The following GRIN2B variants were observed in gnomAD, a reference collection of about 807,000 sequenced individuals.
GRIN2B encodes the protein glutamate ionotropic receptor NMDA type subunit 2B, also known as glutamate receptor ionotropic, NMDA 2B.
In GRIN2B, 5 loss-of-function variants were observed where a neutral mutation model predicts 114.5. The observed-to-expected ratio is 0.04, with a 90% CI of 0.02 to 0.09. GRIN2B has a LOEUF of 0.09. Among genes scored for constraint, GRIN2B ranks in the 10% least tolerant of loss-of-function variants. GRIN2B has a pLI of 1.00. For synonymous variants in GRIN2B, 787 were observed against 745.1 expected (o/e 1.06, Z -0.92); for missense variants, 1,108 against 1,943.5 (o/e 0.57, Z 8.08).
intron 2 of GRIN2B, among the ~76,000 whole-genome samples, chr12:13,901,306 T>C (rs1176797053): frequency 6.6e-6 from 1 of 152,180 alleles, no homozygotes; most frequent in Non-Finnish European, 1.5e-5. Context: ...ATTTGTCCAC[T>C]TTACCACTGA....
At chr12:13,720,064 A>C (rs973534738) in intron 4 of GRIN2B, among the ~76,000 whole-genome samples, 3 of 152,066 alleles carry the variant, frequency 2.0e-5, no homozygotes, top group East Asian at 1.9e-4. Context: ...GGAGCATGAT[A>C]GAAACAAAAC....
intron 4 of GRIN2B, among the ~76,000 whole-genome samples, chr12:13,747,596 T>C (rs1192448136): frequency 1.3e-5 from 2 of 152,264 alleles, no homozygotes; most frequent in African/African-American, 4.8e-5. Flanking sequence ...TTTGTGCATA[T>C]ACATAAAAAT....
chr12:13,760,021 A>G (rs1863649431), intron 3 of GRIN2B, among the ~76,000 whole-genome samples: 1 of 152,148 alleles, frequency 6.6e-6, no homozygotes, highest in African/African-American at 2.4e-5. Context: ...TCTTTGCTAA[A>G]ATCTTGCCTT....
At chr12:13,782,424 T>G (rs1864133951) in intron 3 of GRIN2B, among the ~76,000 whole-genome samples, 1 of 152,206 alleles carries the variant, frequency 6.6e-6, no homozygotes, top group Non-Finnish European at 1.5e-5. Context: ...TCCTCTTTAA[T>G]ATCCAGATGA....
intron 11 of GRIN2B, 82 bp downstream of exon 11, chr12:13,571,722 T>C: frequency 7.5e-7 from 1 of 1,337,518 alleles, no homozygotes; most frequent in Admixed American, 1.7e-5. Context: ...AAGCATGGTA[T>C]ACCTAGTGCA....
At chr12:13,805,881 C>T (rs1467716951) in intron 3 of GRIN2B, among the ~76,000 whole-genome samples, 1 of 152,076 alleles carries the variant, frequency 6.6e-6, no homozygotes, top group Admixed American at 6.6e-5. Context: ...GATCAACATA[C>T]CCCAATTCCT....
At chr12:13,962,085 T>TACAC (rs754107657) in intron 2 of GRIN2B, among the ~76,000 whole-genome samples, 73 of 60,430 alleles carry the variant, frequency 1.2e-3, no homozygotes, top group Middle Eastern at 6.8e-3. Context: ...GTCTCTCTCA[T>TACAC]ACATACACAC....
chr12:13,941,886 G>A (rs971648416), intron 2 of GRIN2B, among the ~76,000 whole-genome samples: 7 of 152,200 alleles, frequency 4.6e-5, no homozygotes, highest in Non-Finnish European at 7.4e-5. Flanking sequence ...GCTGGCTCCC[G>A]CAGCGCAGTG....
At chr12:13,579,792 T>A (rs1000426166) in intron 10 of GRIN2B, among the ~76,000 whole-genome samples, 4 of 151,948 alleles carry the variant, frequency 2.6e-5, no homozygotes, top group Non-Finnish European at 5.9e-5. Flanking sequence ...AGACGCATTG[T>A]CAGATATTTC....
chr12:13,788,395 G>C (rs1250732292), intron 3 of GRIN2B, among the ~76,000 whole-genome samples: 1 of 152,084 alleles, frequency 6.6e-6, no homozygotes, highest in Non-Finnish European at 1.5e-5. Context: ...AACCATTACT[G>C]ATACTGTCAA....
At chr12:13,648,279 T>G (rs1205588401) in intron 5 of GRIN2B, among the ~76,000 whole-genome samples, 2 of 151,994 alleles carry the variant, frequency 1.3e-5, no homozygotes, top group African/African-American at 4.8e-5. Flanking sequence ...CAGGGCTGAG[T>G]GCTGTGAGGG....
chr12:13,580,902 TA>T (rs1948838759), intron 10 of GRIN2B, among the ~76,000 whole-genome samples: 1 of 152,224 alleles, frequency 6.6e-6, no homozygotes, highest in African/African-American at 2.4e-5. Context: ...AAACGTCATA[TA>T]AATGGAATCC....
At position 13,564,070 on chromosome 12, in the gene GRIN2B, G is replaced by A. The variant is rs1948597983; in HGVS notation, c.3168C>T (p.Ile1056=). The change falls in exon 14 of 14, where the codon ATC becomes ATT. Residue 1056 remains isoleucine, a synonymous_variant. Transcript: ENST00000609686. The surrounding 1 kb of genome is among the most constrained non-coding windows in gnomAD (Gnocchi z 4.8). ...SDRYSGHDDL[I]RSDVSDISTH... ...TTGAGATGTCAGAGACATCGGAGCG[G>A]ATCAAGTCGTCGTGGCCACTGTAGC... 1 of 1,614,234 alleles carries A rather than the reference G, an allele frequency of 6.2e-7. No individual in the cohort carries two copies. Among genetic ancestry groups the A allele is most frequent in the East Asian group, 2.2e-5 (1 of 44,872 alleles).
intron 5 of GRIN2B, among the ~76,000 whole-genome samples, chr12:13,648,159 C>T (rs757789479): frequency 2.0e-5 from 3 of 151,962 alleles, no homozygotes; most frequent in Non-Finnish European, 2.9e-5. Context: ...AGAGCACATA[C>T]GGAGTAGTAT....
At chr12:13,610,404 A>C (rs1428464053) in intron 9 of GRIN2B, among the ~76,000 whole-genome samples, 1 of 152,156 alleles carries the variant, frequency 6.6e-6, no homozygotes, top group Non-Finnish European at 1.5e-5. Flanking sequence ...GGCAATGCAC[A>C]CTGACTTTAG....
rs535049724 is a variant in GRIN2B, at chr12:13,739,970, G to A, written c.1010+13347C>T. 3.5e-4 allele frequency among the ~76,000 whole-genome samples: 53 copies of A among 152,260 alleles called. 1 individual carries two copies. The highest frequency in any genetic ancestry group is 1.1e-3 in the African/African-American group (47 of 41,554). ...TATGCACGTGGGGGAAGGGGACTCTGGTCTATTCCTAAAGAATATTCTTTC... is the reference window on the plus strand; with the variant it reads ...TATGCACGTGGGGGAAGGGGACTCTAGTCTATTCCTAAAGAATATTCTTTC... On this transcript the variant is annotated intron_variant, in intron 4 of 13. Coordinates refer to ENST00000609686, the MANE Select transcript of GRIN2B (RefSeq NM_000834.5).
chr12:13,932,729 T>C (rs1867056188), intron 2 of GRIN2B, among the ~76,000 whole-genome samples: 1 of 152,254 alleles, frequency 6.6e-6, no homozygotes, highest in South Asian at 2.1e-4. Flanking sequence ...TCCAGAGAAA[T>C]GTTCAGTCAA....
chr12:13,896,413 C>T (rs745904522), intron 2 of GRIN2B, among the ~76,000 whole-genome samples: 1 of 152,184 alleles, frequency 6.6e-6, no homozygotes, highest in Admixed American at 6.5e-5. Context: ...TGGGTTAGTC[C>T]TTCAGAAGGT....
At chr12:13,596,028 A>C (rs953080831) in intron 10 of GRIN2B, among the ~76,000 whole-genome samples, 16 of 151,552 alleles carry the variant, frequency 1.1e-4, no homozygotes, top group Admixed American at 9.8e-4. Flanking sequence ...TTTTTCTGTA[A>C]GAAAAAAAAA....
Sources: gnomAD v4.1 joint callset for allele counts (sites outside exome capture counted in the v4.1 genomes callset) on GRCh38, gnomAD v4.1.1 for gene constraint, Gnocchi (gnomAD v3.1) non-coding constraint, MANE v1.5 for transcripts, NCBI Gene and HGNC (gene_info 2026-07-23, HGNC 2026-07-21) for gene names.